Variants in PTBP3 observed in about 807,000 individuals in gnomAD.
PTBP3 encodes polypyrimidine tract-binding protein 3.
Under a neutral mutation model 58.7 loss-of-function variants are expected in PTBP3, and 20 were observed. The ratio of observed to expected loss-of-function variants is 0.34; its 90% CI spans 0.24 to 0.50. The LOEUF (loss-of-function observed/expected upper bound fraction) is 0.50, where lower values mean the gene tolerates loss of function less well. Among genes scored for constraint, PTBP3 ranks in the 20% least tolerant of loss-of-function variants. The probability of loss-of-function intolerance (pLI) is 0.98; values close to 1 mark genes in which losing one functional copy is unlikely to be tolerated. For missense variants in PTBP3, 509 were observed against 637.2 expected (o/e 0.80, Z 2.17); for synonymous variants, 185 against 219.8 (o/e 0.84, Z 1.40).
chr9:112,329,551 A>G (rs1469300770), intron 1 of PTBP3, among the ~76,000 whole-genome samples: 1 of 152,252 alleles, frequency 6.6e-6, no homozygotes, highest in East Asian at 1.9e-4. Context: ...CATTGCTGAC[A>G]GCTAGGTATA....
At chr9:112,248,604 T>C (rs375268163) in intron 7 of PTBP3, among the ~76,000 whole-genome samples, 24 of 152,328 alleles carry the variant, frequency 1.6e-4, no homozygotes, top group African/African-American at 5.5e-4. Flanking sequence ...AGATACCATT[T>C]ACCACACACT....
chr9:112,349,566 A>G, the PTBP3 span, among the ~76,000 whole-genome samples: 152 of 150,530 alleles, frequency 1.0e-3, no homozygotes, highest in African/African-American at 3.4e-3. Flanking sequence ...CTCTACATAT[A>G]GTGTGCAATT....
chr9:112,345,372 G>GA, the PTBP3 span, among the ~76,000 whole-genome samples: 287 of 84,848 alleles, frequency 3.4e-3, 1 homozygote, highest in African/African-American at 0.014. Flanking sequence ...AAAAAAAAAG[G>GA]AAAAAAAATT....
At chr9:112,264,615 T>C (rs1836725331) in intron 4 of PTBP3, among the ~76,000 whole-genome samples, 1 of 152,360 alleles carries the variant, frequency 6.6e-6, no homozygotes, top group Non-Finnish European at 1.5e-5. Flanking sequence ...TACAGTACTT[T>C]AAAAATATCA....
At position 112,268,119 on chromosome 9, in the gene PTBP3, C is replaced by T. The variant is rs746425976; in HGVS notation, c.281G>A (p.Arg94Gln). Residue 94 changes from arginine (R) to glutamine (Q), a missense_variant, in exon 4 of 14, where the codon CGA becomes CAA. Physicochemically the swap from Arg to Gln is conservative, Grantham distance 43. Around this residue, in one of 4 missense-constraint regions of PTBP3, gnomAD observed 212 missense variants for 215.3 expected, o/e 0.98. Coordinates refer to ENST00000374257, the MANE Select transcript of PTBP3 (RefSeq NM_001163788.4). ...ATACTGAATATAAACAGGCTGGCTTCGAAGGTGAGGAGTAATAGGAGTGTA... is the reference window on the plus strand; with the variant it reads ...ATACTGAATATAAACAGGCTGGCTTTGAAGGTGAGGAGTAATAGGAGTGTA... ...NYYTPITPHL[R>Q]SQPVYIQYSN... 37 of 1,613,724 alleles carry T rather than the reference C, an allele frequency of 2.3e-5. No individual in the cohort carries two copies. Among genetic ancestry groups the T allele is most frequent in the Middle Eastern group, 3.3e-4 (2 of 6,082 alleles).
At chr9:112,379,659 C>T in the PTBP3 span, among the ~76,000 whole-genome samples, 4 of 152,096 alleles carry the variant, frequency 2.6e-5, no homozygotes, top group Non-Finnish European at 5.9e-5. Flanking sequence ...AAGAGGGGGC[C>T]GAGAGAACGC....
intron 2 of PTBP3, among the ~76,000 whole-genome samples, chr9:112,291,213 A>G (rs1163465326): frequency 7.0e-6 from 1 of 143,710 alleles, no homozygotes; most frequent in Non-Finnish European, 1.5e-5. Context: ...CAAGAGCACA[A>G]TTCTGTCTCT....
intron 1 of PTBP3, among the ~76,000 whole-genome samples, chr9:112,317,247 AAAAAAAAG>A (rs774112380): frequency 1.5e-4 from 23 of 151,090 alleles, no homozygotes; most frequent in Admixed American, 4.0e-4. Context: ...CCCATATCCA[AAAAAAAAG>A]AAAAAAAAGA....
At chr9:112,367,175 A>G in the PTBP3 span, among the ~76,000 whole-genome samples, 18 of 152,202 alleles carry the variant, frequency 1.2e-4, no homozygotes, top group Non-Finnish European at 2.2e-4. Context: ...TATGTTGTCT[A>G]TCCATGACCA....
intron 8 of PTBP3, 24 bp downstream of exon 8, chr9:112,234,796 T>C (rs1445651004): frequency 6.3e-7 from 1 of 1,585,630 alleles, no homozygotes; most frequent in Non-Finnish European, 8.7e-7. Context: ...AAAAGTCATT[T>C]CAAATCCAAC....
the PTBP3 span, among the ~76,000 whole-genome samples, chr9:112,349,946 G>A: frequency 6.9e-6 from 1 of 144,278 alleles, no homozygotes; most frequent in African/African-American, 2.6e-5. Flanking sequence ...AGAATTGTTT[G>A]TCTGTGGGGA....
intron 2 of PTBP3, among the ~76,000 whole-genome samples, chr9:112,297,397 GT>G (rs1201000139): frequency 6.6e-6 from 1 of 152,142 alleles, no homozygotes; most frequent in African/African-American, 2.4e-5. Context: ...TAGAGACGGG[GT>G]TTCGCCATGT....
intron 1 of PTBP3, among the ~76,000 whole-genome samples, chr9:112,320,316 T>TATATA (rs61624494): frequency 1.7e-3 from 55 of 31,568 alleles, no homozygotes; most frequent in Non-Finnish European, 2.6e-3. Flanking sequence ...ATATATATAT[T>TATATA]TTTTTTTAAG....
the PTBP3 span, among the ~76,000 whole-genome samples, chr9:112,368,600 G>A: frequency 6.6e-6 from 1 of 152,048 alleles, no homozygotes; most frequent in Non-Finnish European, 1.5e-5. Context: ...AGTTGGATTG[G>A]TTATTTTCAT....
At chr9:112,230,262 A>G (rs545877072) in intron 10 of PTBP3, among the ~76,000 whole-genome samples, 2 of 152,156 alleles carry the variant, frequency 1.3e-5, no homozygotes, top group South Asian at 4.2e-4. Context: ...AGAGTTTGAG[A>G]CTACAGTGAG....
intron 3 of PTBP3, 52 bp from the exon 4 acceptor site, chr9:112,268,247 T>TTC (rs1425477820): frequency 3.2e-6 from 5 of 1,554,388 alleles, no homozygotes; most frequent in Non-Finnish European, 4.3e-6. Flanking sequence ...TGAAAGACAG[T>TTC]TAAGATATAT....
rs1192094790 is a variant in PTBP3, at chr9:112,223,684, G to A, written c.*167C>T. 8.9e-6 allele frequency: 12 copies of A among 1,353,724 alleles called. No homozygotes were observed. Among genetic ancestry groups the A allele is most frequent in the Admixed American group, 3.3e-5 (1 of 30,256 alleles). The allele number at this position is 1,353,724 out of a possible 1,614,324, so 83.9% of individuals were successfully genotyped here. A position where few individuals can be genotyped will look rare whatever the true frequency, so the allele number is the denominator to read the frequency against. ...AGAAACCTTTGACTGGCGGGGGCAG[G>A]GGGAATACAAAAAAAAAAAATCCCT... On this transcript the variant is annotated 3_prime_UTR_variant, in exon 14 of 14. Coordinates refer to ENST00000374257, the MANE Select transcript of PTBP3 (RefSeq NM_001163788.4).
chr9:112,233,961 G>C (rs10817294), intron 8 of PTBP3, among the ~76,000 whole-genome samples: 41,521 of 151,240 alleles, frequency 0.27, 6,677 homozygotes, highest in South Asian at 0.4. Context: ...GAGAGAGAGA[G>C]AGTAGTTAAA....
Position 112,218,800 on chromosome 9 carries a change from C to A in PTBP3, c.*5051G>T, listed in dbSNP as rs1407261550. 1 of 152,484 alleles carries A rather than the reference C, an allele frequency of 6.6e-6. No individual in the cohort carries two copies. Among genetic ancestry groups the A allele is most frequent in the Non-Finnish European group, 1.5e-5 (1 of 68,010 alleles). 9.4% of individuals were successfully genotyped at this position (152,484 alleles called of 1,614,324 possible). ...TTATAAGTTCATTTGTTCCCAAAAA[C>A]CTTTTTTTCTTTTTTGGCCTTGTTA... On this transcript the variant is annotated 3_prime_UTR_variant, in exon 14 of 14. Coordinates refer to ENST00000374257, the MANE Select transcript of PTBP3 (RefSeq NM_001163788.4).
Sources: allele counts gnomAD v4.1 joint callset (sites outside exome capture counted in the v4.1 genomes callset), GRCh38; gene constraint gnomAD v4.1.1; regional missense constraint gnomAD v4.1.1; transcripts MANE v1.5; gene names NCBI Gene and HGNC (gene_info 2026-07-23, HGNC 2026-07-21).